Variants in BCAS3 observed in about 807,000 individuals in gnomAD.
The protein encoded by BCAS3 is BCAS3 microtubule associated cell migration factor, also known as BCAS4/BCAS3 fusion.
A neutral mutation model predicts 116.1 loss-of-function variants in BCAS3; 53 were observed. The ratio of observed to expected loss-of-function variants is 0.46; its 90% CI spans 0.37 to 0.57. BCAS3 has a LOEUF of 0.57. Among genes scored for constraint, BCAS3 ranks in the 20% least tolerant of loss-of-function variants. BCAS3 has a pLI of 0.00. For missense variants in BCAS3, 917 were observed against 1,165.4 expected, an observed-to-expected ratio of 0.79 and a Z score of 3.10; for synonymous variants, 391 against 408.2, an observed-to-expected ratio of 0.96 and a Z score of 0.51.
rs1555697138 is a variant in BCAS3, at chr17:61,067,740, A to ATATAT, written c.2030-7180_2030-7179insTATAT. Among the ~76,000 whole-genome samples, 1,014 of 133,626 alleles carry ATATAT rather than the reference A, an allele frequency of 7.6e-3. 21 individuals carry two copies. The highest frequency in any genetic ancestry group is 0.032 in the African/African-American group (969 of 30,184). The allele number at this position is 133,626 out of a possible 152,430, so 87.7% of individuals were successfully genotyped here. A position where few individuals can be genotyped will look rare whatever the true frequency, so the allele number is the denominator to read the frequency against. On this transcript the variant is annotated intron_variant, in intron 19 of 23. Coordinates refer to ENST00000407086, the MANE Select transcript of BCAS3 (RefSeq NM_017679.5). Reference sequence around the variant, plus strand: ...AAACAAACAAACAAAAAAAAAAAAAAATATATATATATATATAGAAACACA... The same window carrying ATATAT: ...AAACAAACAAACAAAAAAAAAAAAAATATATATATATATATATATATAGAAACACA...
intron 6 of BCAS3, among the ~76,000 whole-genome samples, chr17:60,753,383 T>TA (rs1555694759): frequency 1.0e-4 from 14 of 135,638 alleles, no homozygotes; most frequent in East Asian, 2.2e-4. Flanking sequence ...TTGTCTCTTA[T>TA]TTTATTTATT....
chr17:61,190,879 C>T (rs145851341), intron 22 of BCAS3, among the ~76,000 whole-genome samples: 4,027 of 152,106 alleles, frequency 0.026, 145 homozygotes, highest in African/African-American at 0.088. Flanking sequence ...CTTGGATTAC[C>T]GGTGTGAGCC....
chr17:60,924,119 A>G (rs2059243115), intron 12 of BCAS3, among the ~76,000 whole-genome samples: 1 of 152,156 alleles, frequency 6.6e-6, no homozygotes, highest in Non-Finnish European at 1.5e-5. Flanking sequence ...AGTTGATTGT[A>G]TCATTTTTTT....
chr17:60,810,950 A>G, intron 7 of BCAS3: 1 of 685,216 alleles, frequency 1.5e-6, no homozygotes, highest in Non-Finnish European at 2.7e-6. Flanking sequence ...CTGGCTCAGA[A>G]GAACCAAGAG....
rs776786829 is a variant in BCAS3, at chr17:60,851,266, G to T, written c.477-17310G>T. ...ATCCTATTAAAAAATGAGCAAAAGGGTCTCAGCAGCTCGGGCTGCAGGAGG... is the reference window on the plus strand; with the variant it reads ...ATCCTATTAAAAAATGAGCAAAAGGTTCTCAGCAGCTCGGGCTGCAGGAGG... On this transcript the variant is annotated intron_variant, in intron 7 of 23. Coordinates refer to ENST00000407086, the MANE Select transcript of BCAS3 (RefSeq NM_017679.5). 30 of 272,626 alleles carry T rather than the reference G, an allele frequency of 1.1e-4. 1 individual carries two copies. In the South Asian group the frequency reaches 1.1e-3, roughly 10 times the overall value. The allele number at this position is 272,626 out of a possible 1,614,324, so 16.9% of individuals were successfully genotyped here.
intron 16 of BCAS3, among the ~76,000 whole-genome samples, chr17:61,031,886 T>G (rs539213325): frequency 6.6e-6 from 1 of 152,266 alleles, no homozygotes; most frequent in Non-Finnish European, 1.5e-5. Flanking sequence ...AAATACTTAT[T>G]TTCTGTAGGA....
In BCAS3 at chr17:61,332,909, C is replaced by A. The variant is rs1428273555; in HGVS notation, c.2426-35418C>A. ...GGGATTATAGGCGTGAGCCATGGCA[C>A]CCGGCCTATCCCCATCTTAAAAAGG... On this transcript the variant is annotated intron_variant, in intron 22 of 23. Transcript: ENST00000407086. This position sits in a 1 kb window ranked among gnomAD's most constrained non-coding sequence, Gnocchi z 5.4. Among the ~76,000 whole-genome samples the A allele has an allele frequency of 3.9e-5, 6 of 152,212 alleles. No individual in the cohort carries two copies. The highest frequency in any genetic ancestry group is 7.3e-5 in the Non-Finnish European group (5 of 68,040).
intron 7 of BCAS3, among the ~76,000 whole-genome samples, chr17:60,822,603 A>T (rs2050058880): frequency 6.6e-6 from 1 of 152,242 alleles, no homozygotes; most frequent in African/African-American, 2.4e-5. Flanking sequence ...AATTTCAGGC[A>T]GAGACACTAT....
chr17:61,210,254 T>C (rs183285902), intron 22 of BCAS3, among the ~76,000 whole-genome samples: 1 of 152,364 alleles, frequency 6.6e-6, no homozygotes, highest in East Asian at 1.9e-4. Flanking sequence ...TGGATGTTAA[T>C]GTCATCCTGT....
chr17:61,276,841 G>A lies in BCAS3; in HGVS notation c.2426-91486G>A, dbSNP rs753511422. ...ACAGTAATCAAGACAGTGTGGTACT[G>A]GCATAAGGATAGACATATACCATAA... On this transcript the variant is annotated intron_variant, in intron 22 of 23. Transcript: ENST00000407086. This position sits in a 1 kb window ranked among gnomAD's most constrained non-coding sequence, Gnocchi z 4.2. 6.6e-6 allele frequency among the ~76,000 whole-genome samples: 1 copy of A among 152,150 alleles called. No individual in the cohort carries two copies. Among genetic ancestry groups the A allele is most frequent in the Non-Finnish European group, 1.5e-5 (1 of 68,034 alleles).
chr17:61,165,863 A>G (rs1367558747), intron 22 of BCAS3, among the ~76,000 whole-genome samples: 3 of 152,216 alleles, frequency 2.0e-5, no homozygotes, highest in African/African-American at 7.2e-5. Flanking sequence ...AAGAGGCAGG[A>G]ATTACTATTT....
At chr17:61,011,912 T>A (rs1253827959) in intron 15 of BCAS3, among the ~76,000 whole-genome samples, 2 of 152,074 alleles carry the variant, frequency 1.3e-5, no homozygotes, top group African/African-American at 4.8e-5. Context: ...TATTGAGATT[T>A]CTGGTCTAAG....
chr17:60,893,136 T>C (rs1298320046), intron 10 of BCAS3, among the ~76,000 whole-genome samples: 1 of 152,168 alleles, frequency 6.6e-6, no homozygotes, highest in East Asian at 1.9e-4. Context: ...TTTGAGTTTC[T>C]TGTAGATTCT....
intron 5 of BCAS3, among the ~76,000 whole-genome samples, chr17:60,732,668 G>A (rs1415044950): frequency 1.3e-5 from 2 of 151,982 alleles, no homozygotes; most frequent in Non-Finnish European, 2.9e-5. Context: ...GTGAAACCCC[G>A]TGTCTACTAA....
At chr17:60,808,857 AG>A (rs1409174874) in intron 7 of BCAS3, among the ~76,000 whole-genome samples, 1 of 152,230 alleles carries the variant, frequency 6.6e-6, no homozygotes, top group Non-Finnish European at 1.5e-5. Context: ...AATGAGAAAA[AG>A]CCTCATGGAG....
At chr17:60,807,208 T>G (rs1267885653) in intron 6 of BCAS3, among the ~76,000 whole-genome samples, 1 of 152,236 alleles carries the variant, frequency 6.6e-6, no homozygotes, top group African/African-American at 2.4e-5. Context: ...AAACTATTAC[T>G]GTTGCTTAGG....
In BCAS3 at chr17:60,924,518, C is replaced by CTTTTTT. The variant is rs75229063; in HGVS notation, c.1087+31_1087+36dup. 1.0e-5 allele frequency: 11 copies of CTTTTTT among 1,100,314 alleles called. No homozygotes were observed. The highest frequency in any genetic ancestry group is 2.5e-4 in the Middle Eastern group (1 of 3,996). 68.2% of individuals were successfully genotyped at this position (1,100,314 alleles called of 1,614,324 possible). A position where few individuals can be genotyped will look rare whatever the true frequency, so the allele number is the denominator to read the frequency against. On this transcript the variant is annotated intron_variant, in intron 13 of 23. Coordinates refer to ENST00000407086, the MANE Select transcript of BCAS3 (RefSeq NM_017679.5). ...TACAAGTGGTAAGTTCGCTCTCTGT[C>CTTTTTT]TTTTTTTTTTTTTTTTTTGTAGACC...
intron 22 of BCAS3, among the ~76,000 whole-genome samples, chr17:61,237,048 C>T (rs1436128160): frequency 6.6e-6 from 1 of 152,154 alleles, no homozygotes; most frequent in Non-Finnish European, 1.5e-5. Context: ...ATCTTTTTTA[C>T]ATAGCTGTCA....
chr17:61,160,569 C>T (rs2078112373), intron 22 of BCAS3, among the ~76,000 whole-genome samples: 1 of 152,028 alleles, frequency 6.6e-6, no homozygotes, highest in South Asian at 2.1e-4. Context: ...TTGAGTACAC[C>T]ATTTGTTTTT....
Sources: allele counts gnomAD v4.1 joint callset (sites outside exome capture counted in the v4.1 genomes callset), GRCh38; gene constraint gnomAD v4.1.1; non-coding constraint Gnocchi (gnomAD v3.1); transcripts MANE v1.5; gene names NCBI Gene and HGNC (gene_info 2026-07-23, HGNC 2026-07-21).